The following TRPC4 variants were observed in gnomAD, a reference collection of about 807,000 sequenced individuals.
TRPC4 encodes the protein transient receptor potential cation channel subfamily C member 4, also known as short transient receptor potential channel 4.
A neutral mutation model predicts 99.4 loss-of-function variants in TRPC4; 49 were observed. The observed-to-expected ratio is 0.49, with a 90% CI of 0.39 to 0.63. TRPC4 has a LOEUF of 0.63. TRPC4 is among the 20% of genes least tolerant of loss of function. The pLI, the probability that TRPC4 is intolerant of heterozygous loss-of-function variation, is 0.00. For missense variants in TRPC4, 898 were observed against 1,152.9 expected (o/e 0.78, Z 3.20); for synonymous variants, 454 against 425.9 (o/e 1.07, Z -0.81).
intron 3 of TRPC4, among the ~76,000 whole-genome samples, chr13:37,692,816 C>T (rs1172896311): frequency 6.6e-6 from 1 of 152,058 alleles, no homozygotes; most frequent in Non-Finnish European, 1.5e-5. Flanking sequence ...TTACTTTCAT[C>T]ATCAGGAAAA....
chr13:37,673,469 TA>T (rs1338181136), intron 5 of TRPC4, among the ~76,000 whole-genome samples: 17 of 11,256 alleles, frequency 1.5e-3, no homozygotes, highest in African/African-American at 1.9e-3. Flanking sequence ...AGATATTCTT[TA>T]TTTTTTTTTT....
chr13:37,850,100 A>G (rs1357592419), intron 1 of TRPC4, among the ~76,000 whole-genome samples: 1 of 152,218 alleles, frequency 6.6e-6, no homozygotes, highest in Non-Finnish European at 1.5e-5. Flanking sequence ...AATAAAATAT[A>G]TTCTATCAAG....
chr13:37,831,522 G>C (rs766863304), intron 1 of TRPC4, among the ~76,000 whole-genome samples: 9 of 152,120 alleles, frequency 5.9e-5, no homozygotes, highest in Non-Finnish European at 1.3e-4. Flanking sequence ...CAGCAGTACT[G>C]CTCCTGGGTA....
chr13:37,832,035 T>G (rs562725854), intron 1 of TRPC4, among the ~76,000 whole-genome samples: 242 of 152,296 alleles, frequency 1.6e-3, no homozygotes, highest in Middle Eastern at 6.8e-3. Context: ...GAATATATTT[T>G]AAATGGTCTT....
intron 1 of TRPC4, among the ~76,000 whole-genome samples, chr13:37,827,359 G>C (rs919382052): frequency 6.6e-5 from 10 of 152,130 alleles, no homozygotes; most frequent in Non-Finnish European, 1.5e-4. Flanking sequence ...CTGCTTTTTA[G>C]AGTTTCCAGT....
intron 1 of TRPC4, among the ~76,000 whole-genome samples, chr13:37,802,946 G>A (rs1957441513): frequency 2.6e-5 from 4 of 151,778 alleles, no homozygotes; most frequent in Middle Eastern, 3.4e-3. Context: ...ATTTCTTAAG[G>A]AAAAATTGTC....
chr13:37,813,159 A>G (rs532195514), intron 1 of TRPC4, among the ~76,000 whole-genome samples: 166 of 152,084 alleles, frequency 1.1e-3, no homozygotes, highest in African/African-American at 3.9e-3. Context: ...AAAATAATCA[A>G]TAAATCAAAG....
Position 37,817,516 on chromosome 13 carries a change from G to T in TRPC4, c.-27-34156C>A, listed in dbSNP as rs901099720. Among the ~76,000 whole-genome samples, 10 of 151,820 alleles carry T rather than the reference G, an allele frequency of 6.6e-5. No homozygotes were observed. In the Admixed American group the frequency reaches 6.6e-4, roughly 10 times the overall value. ...CATTGAGATTCTTCAGGGTAGTAGAGAGAACTATTTTAAAATTTACATGGG... is the reference window on the plus strand; with the variant it reads ...CATTGAGATTCTTCAGGGTAGTAGATAGAACTATTTTAAAATTTACATGGG... On this transcript the variant is annotated intron_variant, in intron 1 of 10. Transcript: ENST00000379705.
rs1179660622 is a variant in TRPC4, at chr13:37,820,137, A to G, written c.-27-36777T>C. 2.0e-5 allele frequency among the ~76,000 whole-genome samples: 3 copies of G among 152,076 alleles called. No individual in the cohort carries two copies. In the East Asian group the frequency reaches 5.8e-4, roughly 29 times the overall value. On this transcript the variant is annotated intron_variant, in intron 1 of 10. Transcript: ENST00000379705. Reference sequence around the variant, plus strand: ...TTACCACCAACCTCACAGAAATACAAAAAATTCCTTAGAGTCTATTTTAAA... The same window carrying G: ...TTACCACCAACCTCACAGAAATACAGAAAATTCCTTAGAGTCTATTTTAAA...
intron 4 of TRPC4, among the ~76,000 whole-genome samples, chr13:37,683,612 A>G (rs546219835): frequency 6.6e-6 from 1 of 152,234 alleles, no homozygotes; most frequent in South Asian, 2.1e-4. Context: ...TCAGCATCAC[A>G]CAGGTGGCTC....
intron 3 of TRPC4, among the ~76,000 whole-genome samples, chr13:37,740,273 C>T (rs1272965952): frequency 2.0e-5 from 3 of 152,138 alleles, no homozygotes; most frequent in African/African-American, 2.4e-5. Flanking sequence ...AAAATGGCAT[C>T]TTGCTATAGA....
At chr13:37,791,888 G>A (rs1177914207) in intron 1 of TRPC4, among the ~76,000 whole-genome samples, 1 of 152,114 alleles carries the variant, frequency 6.6e-6, no homozygotes, top group Non-Finnish European at 1.5e-5. Context: ...GCAATCTAGG[G>A]AATGACAGAG....
intron 5 of TRPC4, among the ~76,000 whole-genome samples, chr13:37,664,854 T>G (rs552681411): frequency 1.3e-5 from 2 of 152,196 alleles, no homozygotes; most frequent in African/African-American, 2.4e-5. Context: ...TAATAGATAG[T>G]ATTTTTTAAT....
intron 1 of TRPC4, among the ~76,000 whole-genome samples, chr13:37,863,898 A>G (rs1224023241): frequency 6.6e-6 from 1 of 151,720 alleles, no homozygotes; most frequent in African/African-American, 2.4e-5. Context: ...GCACATAGTC[A>G]GCACTATTAT....
rs552730664 is a variant in TRPC4, at chr13:37,634,718, G to A, written c.*2185C>T. ...CAAAATAAAACAACAACGCACAAGA[G>A]AGGCAAAAAGAAATTAATAGAAAAT... On this transcript the variant is annotated 3_prime_UTR_variant, in exon 11 of 11. Transcript: ENST00000379705. Among the ~76,000 whole-genome samples the A allele has an allele frequency of 6.6e-6, 1 of 152,054 alleles. No homozygotes were observed. The highest frequency in any genetic ancestry group is 6.6e-5 in the Admixed American group (1 of 15,228).
At chr13:37,862,052 C>T (rs1371140300) in intron 1 of TRPC4, among the ~76,000 whole-genome samples, 1 of 151,360 alleles carries the variant, frequency 6.6e-6, no homozygotes, top group Non-Finnish European at 1.5e-5. Context: ...TCTAGGCTTT[C>T]GATAGACGTA....
chr13:37,742,789 G>A (rs1029557932), intron 3 of TRPC4, among the ~76,000 whole-genome samples: 2 of 152,098 alleles, frequency 1.3e-5, no homozygotes, highest in African/African-American at 4.8e-5. Flanking sequence ...TTTTCTTTAA[G>A]GCACATGATC....
chr13:37,654,824 A>G (rs868221263), intron 7 of TRPC4, among the ~76,000 whole-genome samples: 2 of 152,162 alleles, frequency 1.3e-5, no homozygotes, highest in East Asian at 1.9e-4. Context: ...GACCTCAGCT[A>G]CTACTTCCCA....
intron 1 of TRPC4, among the ~76,000 whole-genome samples, chr13:37,844,485 G>C (rs1352876419): frequency 1.3e-5 from 2 of 152,064 alleles, no homozygotes; most frequent in Non-Finnish European, 2.9e-5. Context: ...AGTATAGGCA[G>C]GGTTTTGCCA....
Sources: gnomAD v4.1 joint callset for allele counts (sites outside exome capture counted in the v4.1 genomes callset) on GRCh38, gnomAD v4.1.1 for gene constraint, MANE v1.5 for transcripts, NCBI Gene and HGNC (gene_info 2026-07-23, HGNC 2026-07-21) for gene names.